The following MADD variants were observed in gnomAD, a reference collection of about 807,000 sequenced individuals.
The protein encoded by MADD is MAP kinase-activating death domain protein.
MADD carries 109 observed loss-of-function variants against 176.7 expected under a neutral mutation model. The ratio of observed to expected loss-of-function variants is 0.62; its 90% CI spans 0.53 to 0.72. The LOEUF is 0.72. Ranked by LOEUF, MADD falls within the 30% of genes least tolerant of loss-of-function variation. MADD has a pLI of 0.00. For missense variants in MADD, 1,914 were observed against 2,045.5 expected, an observed-to-expected ratio of 0.94 and a Z score of 1.24; for synonymous variants, 771 against 771.3, an observed-to-expected ratio of 1.00 and a Z score of 0.01.
intron 31 of MADD, chr11:47,327,008 G>A: frequency 2.2e-6 from 3 of 1,337,712 alleles, no homozygotes; most frequent in East Asian, 2.8e-5. Context: ...GATCGCAGAA[G>A]AGCAAATGGG....
intron 1 of MADD, chr11:47,272,470 G>T (rs11039159): frequency 0.27 from 41,228 of 152,192 alleles, 6,889 homozygotes; most frequent in Non-Finnish European, 0.39. Flanking sequence ...AGGTGAGGGA[G>T]TAGAGGGTGT....
At chr11:47,307,862 G>A (rs1173058787) in intron 22 of MADD, among the ~76,000 whole-genome samples, 2 of 152,146 alleles carry the variant, frequency 1.3e-5, no homozygotes, top group Non-Finnish European at 2.9e-5. Context: ...TAGAGACAGG[G>A]TTTCACCATG....
intron 20 of MADD, 66 bp from the exon 23 acceptor site, chr11:47,295,430 A>G (rs1383411979): frequency 3.1e-6 from 4 of 1,293,104 alleles, no homozygotes; most frequent in East Asian, 2.3e-5. Flanking sequence ...AAAAAGGTAC[A>G]GTATTTCTGT....
At chr11:47,304,806 G>GT (rs1024435813) in intron 22 of MADD, among the ~76,000 whole-genome samples, 2 of 151,816 alleles carry the variant, frequency 1.3e-5, no homozygotes, top group Admixed American at 6.6e-5. Flanking sequence ...ATATGTCCTT[G>GT]TTTTTTTCAT....
At chr11:47,289,938 T>C in exon 17 of MADD, 1 of 1,614,108 alleles carries the variant, frequency 6.2e-7, no homozygotes. Context: ...TGGCTCAACA[T>C]GAAAAAGGTG....
Position 47,286,346 on chromosome 11 carries a change from G to A in MADD, c.2552-87G>A, listed in dbSNP as rs560497411. On this transcript the variant is annotated intron_variant, in intron 14 of 32. Coordinates refer to ENST00000402192, the Ensembl canonical transcript of MADD. ...AAACTGGGATTGTGTTTGAAAAGGAGGGAGGTGCAGATGCTGATAGTCATT... is the reference window on the plus strand; with the variant it reads ...AAACTGGGATTGTGTTTGAAAAGGAAGGAGGTGCAGATGCTGATAGTCATT... 2.8e-5 allele frequency: 23 copies of A among 825,134 alleles called. No individual in the cohort carries two copies. In the African/African-American group the frequency reaches 3.5e-4, roughly 13 times the overall value. The allele number at this position is 825,134 out of a possible 1,614,324, so 51.1% of individuals were successfully genotyped here.
chr11:47,292,484 T>G lies in MADD; in HGVS notation c.3302-1399T>G, dbSNP rs376160426. On this transcript the variant is annotated intron_variant, in intron 19 of 32. Coordinates refer to ENST00000402192, the Ensembl canonical transcript of MADD. Reference sequence around the variant, plus strand: ...TGGGTGGGTGGGTTTCCATTTCGTCTGTCTGACCAGCCTCTGACTTTCTGT... The same window carrying G: ...TGGGTGGGTGGGTTTCCATTTCGTCGGTCTGACCAGCCTCTGACTTTCTGT... The G allele has an allele frequency of 7.8e-6, 12 of 1,532,956 alleles. No individual in the cohort carries two copies. In the East Asian group the frequency reaches 1.1e-4, roughly 14 times the overall value. The allele number at this position is 1,532,956 out of a possible 1,614,324, so 95.0% of individuals were successfully genotyped here. A position where few individuals can be genotyped will look rare whatever the true frequency, so the allele number is the denominator to read the frequency against.
intron 22 of MADD, among the ~76,000 whole-genome samples, chr11:47,305,222 T>C (rs1023967106): frequency 1.3e-5 from 2 of 152,142 alleles, no homozygotes; most frequent in African/African-American, 4.8e-5. Flanking sequence ...GCAGAGGCAC[T>C]GGGTTCCAGG....
intron 15 of MADD, 51 bp downstream of exon 15, chr11:47,286,585 G>A (rs776726198): frequency 7.7e-6 from 11 of 1,421,808 alleles, no homozygotes; most frequent in East Asian, 4.6e-5. Context: ...GAGATGTTTC[G>A]GGCTGTGGGT....
At chr11:47,270,485 C>T (rs1315250824) in intron 1 of MADD, among the ~76,000 whole-genome samples, 1 of 64,270 alleles carries the variant, frequency 1.6e-5, no homozygotes, top group Non-Finnish European at 2.8e-5. Flanking sequence ...GCGGGCGGCT[C>T]GGGTTCAGGT....
chr11:47,324,487 C>T (rs765646376), exon 30 of MADD: 4 of 1,613,450 alleles, frequency 2.5e-6, no homozygotes, highest in African/African-American at 2.7e-5. Flanking sequence ...AATTGGGTGG[C>T]GAGTTCCCTG....
intron 27 of MADD, among the ~76,000 whole-genome samples, chr11:47,318,528 T>A (rs2093674946): frequency 1.3e-5 from 2 of 152,160 alleles, no homozygotes; most frequent in South Asian, 4.1e-4. Flanking sequence ...TTTCTTTTCC[T>A]TTTAAAAAAA....
At chr11:47,290,699 G>A (rs995354240) in exon 19 of MADD, 9 of 1,614,034 alleles carry the variant, frequency 5.6e-6, no homozygotes, top group Middle Eastern at 1.6e-4. Context: ...GGACCCAAAG[G>A]CTATGGCACA....
intron 8 of MADD, 64 bp downstream of exon 8, chr11:47,281,817 C>T: frequency 1.7e-6 from 2 of 1,149,664 alleles, no homozygotes; most frequent in South Asian, 4.3e-5. Flanking sequence ...TCTAAGGGAC[C>T]TTGGGGCAGA....
At position 47,275,910 on chromosome 11, in the gene MADD, G is replaced by T. The variant is rs1185821541; in HGVS notation, c.671G>T (p.Trp224Leu). Residue 224 changes from tryptophan (W) to leucine (L), a missense_variant, in exon 4 of 33, where the codon TGG (tryptophan) becomes TTG (leucine). By Grantham distance (61) the Trp-to-Leu change is moderately conservative (BLOSUM62 -2). This residue lies in a region of MADD where 1,767 missense variants were observed against 1,836.0 expected (regional missense o/e 0.96). Transcript: ENST00000402192. ...TGTCTGCTTCTCAGGGACACCATGTGGCGGATCTTTACTGGATCGCTGCTG... is the reference window on the plus strand; with the variant it reads ...TGTCTGCTTCTCAGGGACACCATGTTGCGGATCTTTACTGGATCGCTGCTG... The T allele has an allele frequency of 6.2e-7, 1 of 1,608,034 alleles. No individual in the cohort carries two copies. Among genetic ancestry groups the T allele is most frequent in the Non-Finnish European group, 8.5e-7 (1 of 1,175,110 alleles).
intron 6 of MADD, 58 bp downstream of exon 6, chr11:47,278,336 G>A: frequency 8.2e-7 from 1 of 1,212,422 alleles, no homozygotes; most frequent in Non-Finnish European, 1.2e-6. Flanking sequence ...TCTAGACCCA[G>A]TCCTGAGATA....
chr11:47,285,030 G>A (rs764756499), exon 13 of MADD: 6 of 1,614,138 alleles, frequency 3.7e-6, no homozygotes, highest in Admixed American at 1.7e-5. Flanking sequence ...TTGGCAAATC[G>A]AACGTGGACA....
At chr11:47,302,933 T>TA (rs1486946463) in intron 22 of MADD, among the ~76,000 whole-genome samples, 1 of 152,228 alleles carries the variant, frequency 6.6e-6, no homozygotes, top group Non-Finnish European at 1.5e-5. Context: ...GTGGATTTCA[T>TA]ACTTTTGTGT....
intron 26 of MADD, among the ~76,000 whole-genome samples, chr11:47,312,815 A>G (rs2090549218): frequency 6.6e-6 from 1 of 152,198 alleles, no homozygotes; most frequent in Non-Finnish European, 1.5e-5. Flanking sequence ...CTCTTATTAG[A>G]TTGATTAATT....
Sources: allele counts gnomAD v4.1 joint callset (sites outside exome capture counted in the v4.1 genomes callset), GRCh38; gene constraint gnomAD v4.1.1; regional missense constraint gnomAD v4.1.1; transcripts MANE v1.5; gene names NCBI Gene and HGNC (gene_info 2026-07-23, HGNC 2026-07-21).